FRMD4A: variants seen among roughly 807,000 people sequenced by gnomAD.
The protein encoded by FRMD4A is FERM domain containing 4A.
In FRMD4A, 29 loss-of-function variants were observed where a neutral mutation model predicts 129.1. The observed-to-expected ratio is 0.22, with a 90% CI of 0.17 to 0.31. FRMD4A has a LOEUF of 0.31. Ranked by LOEUF, FRMD4A falls within the 10% of genes least tolerant of loss-of-function variation. FRMD4A has a pLI of 1.00. For synonymous variants in FRMD4A, 634 were observed against 571.6 expected (o/e 1.11, Z -1.56); for missense variants, 1,272 against 1,375.8 (o/e 0.92, Z 1.19).
intron 2 of FRMD4A, among the ~76,000 whole-genome samples, chr10:14,130,858 C>G (rs1007495455): frequency 1.3e-5 from 2 of 152,202 alleles, no homozygotes; most frequent in Non-Finnish European, 2.9e-5. Flanking sequence ...TAGGCCCAAG[C>G]TGTTTGGCTT....
chr10:14,183,722 T>C (rs959369721), intron 2 of FRMD4A, among the ~76,000 whole-genome samples: 2 of 152,156 alleles, frequency 1.3e-5, no homozygotes, highest in Non-Finnish European at 2.9e-5. Context: ...CTAAATATGT[T>C]CATTAAAAGC....
At chr10:13,923,685 C>T (rs2095098936) in intron 2 of FRMD4A, among the ~76,000 whole-genome samples, 1 of 152,042 alleles carries the variant, frequency 6.6e-6, no homozygotes, top group African/African-American at 2.4e-5. Flanking sequence ...TTTTTTAAAA[C>T]CTGGACTATT....
chr10:13,964,673 T>A (rs1380000908), intron 2 of FRMD4A, among the ~76,000 whole-genome samples: 2 of 98,180 alleles, frequency 2.0e-5, no homozygotes, highest in Non-Finnish European at 4.2e-5. Flanking sequence ...CCTCTTCTTT[T>A]GTTTTTTTTT....
intron 18 of FRMD4A, 66 bp downstream of exon 18, chr10:13,666,031 A>T: frequency 1.1e-6 from 1 of 887,164 alleles, no homozygotes; most frequent in Non-Finnish European, 1.9e-6. Context: ...CACTCGTGGG[A>T]CCTGGCGTCT....
intron 3 of FRMD4A, among the ~76,000 whole-genome samples, chr10:13,816,197 T>C (rs1401127989): frequency 2.6e-5 from 4 of 152,254 alleles, no homozygotes; most frequent in Non-Finnish European, 5.9e-5. Context: ...CTACATTTAT[T>C]ACTTGCAATT....
intron 2 of FRMD4A, among the ~76,000 whole-genome samples, chr10:14,284,984 G>C (rs989090032): frequency 1.3e-5 from 2 of 152,126 alleles, no homozygotes; most frequent in Non-Finnish European, 2.9e-5. Flanking sequence ...TGATACCCAG[G>C]TCCAACACAG....
chr10:13,970,501 A>T (rs2095511379), intron 2 of FRMD4A, among the ~76,000 whole-genome samples: 1 of 152,140 alleles, frequency 6.6e-6, no homozygotes, highest in Non-Finnish European at 1.5e-5. Context: ...ACCAAATTAC[A>T]CCTAAAAATA....
At chr10:14,138,435 C>T (rs527553926) in intron 2 of FRMD4A, among the ~76,000 whole-genome samples, 1 of 152,294 alleles carries the variant, frequency 6.6e-6, no homozygotes, top group African/African-American at 2.4e-5. Flanking sequence ...TACTAACTTC[C>T]TAACGCGTTG....
At chr10:13,670,693 A>C (rs916880660) in intron 16 of FRMD4A, among the ~76,000 whole-genome samples, 165 bp from the exon 17 acceptor site, 3 of 152,242 alleles carry the variant, frequency 2.0e-5, no homozygotes, top group Non-Finnish European at 2.9e-5. Flanking sequence ...ACTATGCCTA[A>C]GTAAGAGGTC....
At chr10:13,987,151 G>A (rs77192817) in intron 2 of FRMD4A, among the ~76,000 whole-genome samples, 215 of 152,156 alleles carry the variant, frequency 1.4e-3, no homozygotes, top group African/African-American at 5.0e-3. Context: ...AGCTGTGTCC[G>A]TCACTGTACT....
intron 2 of FRMD4A, among the ~76,000 whole-genome samples, chr10:13,967,054 C>T (rs111647028): frequency 0.08 from 12,126 of 152,198 alleles, 878 homozygotes; most frequent in African/African-American, 0.19. Context: ...AATGACACAA[C>T]GGGCCGGGCG....
intron 2 of FRMD4A, among the ~76,000 whole-genome samples, chr10:14,034,587 G>C (rs1449473474): frequency 6.6e-6 from 1 of 151,912 alleles, no homozygotes; most frequent in East Asian, 1.9e-4. Flanking sequence ...ATTTTCATGA[G>C]AGATGATCAG....
At chr10:14,253,092 G>C (rs1844493526) in intron 2 of FRMD4A, among the ~76,000 whole-genome samples, 3 of 152,150 alleles carry the variant, frequency 2.0e-5, no homozygotes, top group Admixed American at 1.3e-4. Flanking sequence ...GACATTTATT[G>C]ACCAAGAAAA....
At chr10:14,165,623 C>T (rs1239283162) in intron 2 of FRMD4A, among the ~76,000 whole-genome samples, 11 of 152,104 alleles carry the variant, frequency 7.2e-5, no homozygotes, top group Non-Finnish European at 1.0e-4. Context: ...CCATCAACAA[C>T]GACTGGATAA....
At chr10:13,754,889 G>A (rs1054342154) in intron 8 of FRMD4A, among the ~76,000 whole-genome samples, 1 of 152,148 alleles carries the variant, frequency 6.6e-6, no homozygotes, top group African/African-American at 2.4e-5. Flanking sequence ...CATGCCAGCT[G>A]TTTATTTTCA....
chr10:13,878,155 T>A (rs2094507472), intron 2 of FRMD4A, among the ~76,000 whole-genome samples: 1 of 146,988 alleles, frequency 6.8e-6, no homozygotes, highest in Non-Finnish European at 1.5e-5. Context: ...TCAAAAATTC[T>A]AATTGGACAC....
chr10:14,129,353 A>G (rs61291655), intron 2 of FRMD4A, among the ~76,000 whole-genome samples: 4,055 of 140,864 alleles, frequency 0.029, 176 homozygotes, highest in African/African-American at 0.09. Context: ...AATAATTTAA[A>G]ACAACACAAT....
intron 17 of FRMD4A, 21 bp from the exon 18 acceptor site, chr10:13,666,346 GT>G (rs759151034): frequency 6.4e-7 from 1 of 1,566,764 alleles, no homozygotes; most frequent in South Asian, 1.1e-5. Flanking sequence ...GAAAGCACCG[GT>G]TTGGGTTACT....
rs186865698 is a variant in FRMD4A, at chr10:14,251,070, A to G, written c.45+78988T>C. On this transcript the variant is annotated intron_variant, in intron 2 of 24. Coordinates refer to ENST00000357447, the MANE Select transcript of FRMD4A (RefSeq NM_018027.5). The stretch of plus-strand genomic sequence containing the variant: ...AAAATATGCTCCCAGCCAGTACCTA[A>G]ACTGTGTAGTAGGCAGCCTCAAGAC... Among the ~76,000 whole-genome samples, 1,278 of 150,946 alleles carry G rather than the reference A, an allele frequency of 8.5e-3. 4 individuals are homozygous for G. The highest frequency in any genetic ancestry group is 0.014 in the Middle Eastern group (4 of 290).
Sources: allele counts gnomAD v4.1 joint callset (sites outside exome capture counted in the v4.1 genomes callset), GRCh38; gene constraint gnomAD v4.1.1; transcripts MANE v1.5; gene names NCBI Gene and HGNC (gene_info 2026-07-23, HGNC 2026-07-21).